FBXO11: variants seen among roughly 807,000 people sequenced by gnomAD.
The protein encoded by FBXO11 is F-box protein 11.
FBXO11 carries 13 observed loss-of-function variants against 117.0 expected under a neutral mutation model. The observed-to-expected ratio is 0.11, with a 90% CI of 0.07 to 0.18. The LOEUF (loss-of-function observed/expected upper bound fraction) is 0.18, where lower values mean the gene tolerates loss of function less well. Ranked by LOEUF, FBXO11 falls within the 10% of genes least tolerant of loss-of-function variation. The probability of loss-of-function intolerance (pLI) is 1.00; values close to 1 mark genes in which losing one functional copy is unlikely to be tolerated. For synonymous variants in FBXO11, 490 were observed against 380.5 expected (o/e 1.29, Z -3.35); for missense variants, 767 against 1,164.4 (o/e 0.66, Z 4.97).
At position 47,810,332 on chromosome 2, in the gene FBXO11, A is replaced by G. The variant is rs755215492; in HGVS notation, c.2322T>C (p.Phe774=). ...AATACAAACCTGCGGCAAATCCATC[A>G]AATATTCTGTTTTTCCTTAAGATTG... is the stretch of plus-strand genomic sequence containing the variant. ...SHPILRKNRI[F]DGFAAGIEIT... Residue 774 remains phenylalanine, a synonymous_variant, in exon 19 of 23, where the codon TTT becomes TTC. Coordinates refer to ENST00000403359, the MANE Select transcript of FBXO11 (RefSeq NM_001190274.2). 1.2e-6 allele frequency: 2 copies of G among 1,607,222 alleles called. No individual in the cohort carries two copies. The highest frequency in any genetic ancestry group is 1.7e-6 in the Non-Finnish European group (2 of 1,176,966).
intron 1 of FBXO11, among the ~76,000 whole-genome samples, chr2:47,888,031 T>TA (rs966236786): frequency 6.6e-6 from 1 of 151,854 alleles, no homozygotes; most frequent in Non-Finnish European, 1.5e-5. Context: ...AAAAAATCCC[T>TA]AAAAAATGAA....
At chr2:47,865,365 C>T (rs890770669) in intron 1 of FBXO11, among the ~76,000 whole-genome samples, 5 of 152,194 alleles carry the variant, frequency 3.3e-5, no homozygotes, top group African/African-American at 1.2e-4. Flanking sequence ...TCCTGTATGA[C>T]TTCTGAGATA....
chr2:47,905,815 G>C lies in FBXO11; in HGVS notation c.-95C>G, dbSNP rs934848086. ...GGAGAAAGGGGTGGGGAGAGTGGGA[G>C]AGGGGGGAGGAAGGAGAGGGGGCGA... On this transcript the variant is annotated 5_prime_UTR_variant, in exon 1 of 23. Transcript: ENST00000403359. The C allele has an allele frequency of 4.2e-5, 42 of 1,009,180 alleles. 1 individual carries two copies. In the African/African-American group the frequency reaches 4.7e-4, roughly 11 times the overall value. The allele number at this position is 1,009,180 out of a possible 1,614,324, so 62.5% of individuals were successfully genotyped here.
At chr2:47,829,848 C>G (rs1479798778) in intron 11 of FBXO11, among the ~76,000 whole-genome samples, 1 of 151,876 alleles carries the variant, frequency 6.6e-6, no homozygotes, top group East Asian at 1.9e-4. Context: ...CAAAATTGGC[C>G]ATGAAATGAT....
rs770922020 is a variant in FBXO11, at chr2:47,905,535, C to T, written c.186G>A (p.Pro62=). Residue 62 remains proline (P), a synonymous_variant, in exon 1 of 23, where the codon CCG becomes CCA. Transcript: ENST00000403359. ...GCTCCTGAGGCAGCGGCGGAGGCGG[C>T]GGTGGCGGCGGCGGAGGCTGCTGCT... The part of the protein sequence containing the change: ...QQQQQPPPPP[P]PPPPLPQERN... 2.4e-3 allele frequency: 2,916 copies of T among 1,236,270 alleles called. 3 individuals carry two copies. The highest frequency in any genetic ancestry group is 2.5e-3 in the Non-Finnish European group (2,491 of 992,464). The allele number at this position is 1,236,270 out of a possible 1,614,324, so 76.6% of individuals were successfully genotyped here.
intron 1 of FBXO11, among the ~76,000 whole-genome samples, chr2:47,867,919 A>C (rs1307689456): frequency 6.6e-6 from 1 of 152,204 alleles, no homozygotes; most frequent in Admixed American, 6.5e-5. Flanking sequence ...ATAATTAGAA[A>C]CAACAATTTT....
chr2:47,887,809 C>T (rs1180159405), intron 1 of FBXO11, among the ~76,000 whole-genome samples: 2 of 151,962 alleles, frequency 1.3e-5, no homozygotes, highest in Admixed American at 6.6e-5. Context: ...TGCAATGAGC[C>T]GAGATTGTGC....
At position 47,807,329 on chromosome 2, in the gene FBXO11, G is replaced by C. The variant is rs1670286447; in HGVS notation, c.*789C>G. 9.4e-6 allele frequency: 2 copies of C among 213,418 alleles called. No individual in the cohort carries two copies. Among genetic ancestry groups the C allele is most frequent in the Non-Finnish European group, 1.9e-5 (2 of 105,526 alleles). 13.2% of individuals were successfully genotyped at this position (213,418 alleles called of 1,614,324 possible). A position where few individuals can be genotyped will look rare whatever the true frequency, so the allele number is the denominator to read the frequency against. ...TACCTTTCACAAAACTGAGTTACAA[G>C]AATACTTTTGTTTTACAGTGCATCC... On this transcript the variant is annotated 3_prime_UTR_variant, in exon 23 of 23. Transcript: ENST00000403359.
chr2:47,849,842 T>C (rs1673720947), intron 1 of FBXO11, among the ~76,000 whole-genome samples: 1 of 152,220 alleles, frequency 6.6e-6, no homozygotes. Flanking sequence ...TCCATATGTA[T>C]GGCTATACTA....
intron 1 of FBXO11, among the ~76,000 whole-genome samples, chr2:47,843,946 G>A (rs1251210589): frequency 1.3e-5 from 2 of 152,016 alleles, no homozygotes; most frequent in Non-Finnish European, 2.9e-5. Flanking sequence ...TCACTATGTT[G>A]GCCAGGATGG....
intron 1 of FBXO11, chr2:47,883,802 G>A (rs1388361190): frequency 4.4e-5 from 10 of 225,008 alleles, no homozygotes; most frequent in African/African-American, 1.4e-4. Context: ...CGCCTTAGTC[G>A]GGAGTGCCCT....
In FBXO11 at chr2:47,807,037, A is replaced by G; in HGVS notation, c.*1081T>C. 1.6e-6 allele frequency: 1 copy of G among 623,372 alleles called. No individual in the cohort carries two copies. The highest frequency in any genetic ancestry group is 2.8e-5 in the East Asian group (1 of 35,918). 38.6% of individuals were successfully genotyped at this position (623,372 alleles called of 1,614,324 possible). A position where few individuals can be genotyped will look rare whatever the true frequency, so the allele number is the denominator to read the frequency against. On this transcript the variant is annotated 3_prime_UTR_variant, in exon 23 of 23. Transcript: ENST00000403359. ...CATAATGGTTATTGAATACTCCACA[A>G]TATATTAAGTCTAGATGTTATGGTA...
chr2:47,836,160 C>T (rs1428559409), intron 4 of FBXO11, among the ~76,000 whole-genome samples, 159 bp from the exon 5 acceptor site: 2 of 151,494 alleles, frequency 1.3e-5, no homozygotes, highest in South Asian at 4.2e-4. Flanking sequence ...TTTTTTGAGA[C>T]ACAGTCTCAC....
At chr2:47,836,053 A>G (rs779269273) in intron 4 of FBXO11, 52 bp from the exon 5 acceptor site, 1 of 1,382,978 alleles carries the variant, frequency 7.2e-7, no homozygotes, top group Admixed American at 2.1e-5. Context: ...CTTTAGATTA[A>G]TACAGTTTTG....
intron 1 of FBXO11, among the ~76,000 whole-genome samples, chr2:47,860,731 A>C (rs532862947): frequency 6.6e-6 from 1 of 151,190 alleles, no homozygotes; most frequent in African/African-American, 2.4e-5. Context: ...AACTAAGGCT[A>C]ATCAAAACTT....
chr2:47,834,557 A>G, intron 7 of FBXO11, 22 bp downstream of exon 7: 1 of 1,508,496 alleles, frequency 6.6e-7, no homozygotes. Flanking sequence ...TAAAATTTTA[A>G]TGACAATGCA....
At chr2:47,900,031 TAGTAGGTCTCCA>T (rs1207416942) in intron 1 of FBXO11, among the ~76,000 whole-genome samples, 1 of 152,094 alleles carries the variant, frequency 6.6e-6, no homozygotes, top group Non-Finnish European at 1.5e-5. Flanking sequence ...CTGCCTTACC[TAGTAGGTCTCCA>T]AGCTGGTTGG....
At position 47,807,054 on chromosome 2, in the gene FBXO11, G is replaced by A; in HGVS notation, c.*1064C>T. ...ACTCCACAATATATTAAGTCTAGAT[G>A]TTATGGTACATGCATACACTTTCAG... On this transcript the variant is annotated 3_prime_UTR_variant, in exon 23 of 23. Coordinates refer to ENST00000403359, the MANE Select transcript of FBXO11 (RefSeq NM_001190274.2). 1 of 593,554 alleles carries A rather than the reference G, an allele frequency of 1.7e-6. No homozygotes were observed. Among genetic ancestry groups the A allele is most frequent in the South Asian group, 2.0e-5 (1 of 48,828 alleles). 36.8% of individuals were successfully genotyped at this position (593,554 alleles called of 1,614,324 possible).
At chr2:47,858,030 A>G (rs185049441) in intron 1 of FBXO11, among the ~76,000 whole-genome samples, 2 of 152,364 alleles carry the variant, frequency 1.3e-5, no homozygotes, top group Admixed American at 1.3e-4. Flanking sequence ...GCGCCAAAAT[A>G]TCTTTTTAAA....
Sources: allele counts gnomAD v4.1 joint callset (sites outside exome capture counted in the v4.1 genomes callset), GRCh38; gene constraint gnomAD v4.1.1; transcripts MANE v1.5; gene names NCBI Gene and HGNC (gene_info 2026-07-23, HGNC 2026-07-21).